SHROOM4: variants seen among roughly 807,000 people sequenced by gnomAD.
SHROOM4 encodes shroom family member 4.
A neutral mutation model predicts 80.3 loss-of-function variants in SHROOM4; 17 were observed. The ratio of observed to expected loss-of-function variants is 0.21; its 90% CI spans 0.14 to 0.32. SHROOM4 has a LOEUF of 0.32. Ranked by LOEUF, SHROOM4 falls within the 10% of genes least tolerant of loss-of-function variation. The probability of loss-of-function intolerance (pLI) is 1.00; values close to 1 mark genes in which losing one functional copy is unlikely to be tolerated. For synonymous variants in SHROOM4, 400 were observed against 437.5 expected, an observed-to-expected ratio of 0.91 and a Z score of 1.07; for missense variants, 993 against 1,140.3, an observed-to-expected ratio of 0.87 and a Z score of 1.86.
At chrX:50,674,493 T>C (rs1040087014) in intron 2 of SHROOM4, among the ~76,000 whole-genome samples, 14 of 111,524 alleles carry the variant, frequency 1.3e-4, no homozygotes. Context: ...CTTTTCAACA[T>C]ATGGTGCTGT....
Position 50,704,664 on chromosome X carries a change from C to T in SHROOM4, c.118-8727G>A, listed in dbSNP as rs182416923. Among the ~76,000 whole-genome samples the T allele has an allele frequency of 1.1e-3, 118 of 112,115 alleles. 1 individual carries two copies. Among genetic ancestry groups the T allele is most frequent in the East Asian group, 1.4e-3 (5 of 3,538 alleles). ...AAGGACCCAGGGACTAAACACCCTT[C>T]GGGGTAGGGACAAAAGGCTGCCTCT... On this transcript the variant is annotated intron_variant, in intron 1 of 8. Transcript: ENST00000376020.
intron 2 of SHROOM4, among the ~76,000 whole-genome samples, chrX:50,650,350 A>C (rs782605264): frequency 1.8e-5 from 2 of 111,937 alleles, no homozygotes; most frequent in African/African-American, 6.5e-5. Flanking sequence ...CCTTTTAAAT[A>C]AAAAGAGGTT....
intron 5 of SHROOM4, among the ~76,000 whole-genome samples, chrX:50,624,245 A>T (rs1274251735): frequency 1.8e-5 from 2 of 111,957 alleles, no homozygotes; most frequent in African/African-American, 6.5e-5. Flanking sequence ...CCACCATGCC[A>T]TCTATTTTCT....
intron 1 of SHROOM4, among the ~76,000 whole-genome samples, chrX:50,734,869 T>C (rs1157300776): frequency 1.8e-5 from 2 of 111,095 alleles, no homozygotes; most frequent in Non-Finnish European, 3.8e-5. Flanking sequence ...GGAGGTTTCC[T>C]GTTTTGCTTG....
At chrX:50,598,643 T>C in intron 7 of SHROOM4, 108 bp from the exon 8 acceptor site, 1 of 951,185 alleles carries the variant, frequency 1.1e-6, no homozygotes, top group South Asian at 2.2e-5. Context: ...TGGTGGGCTC[T>C]ATCCTAGTCA....
chrX:50,617,061 AACC>A (rs1178336274), intron 5 of SHROOM4, among the ~76,000 whole-genome samples: 2 of 111,975 alleles, frequency 1.8e-5, no homozygotes, highest in Non-Finnish European at 3.8e-5. Context: ...CTTCTTCCCT[AACC>A]AGGGCACAGG....
At chrX:50,613,844 G>A (rs1224731583) in intron 5 of SHROOM4, among the ~76,000 whole-genome samples, 1 of 111,583 alleles carries the variant, frequency 9.0e-6, no homozygotes, top group Non-Finnish European at 1.9e-5. Flanking sequence ...TATTATGAAC[G>A]GTATGGAAAA....
At chrX:50,577,560 T>C in the SHROOM4 span, among the ~76,000 whole-genome samples, 4 of 112,344 alleles carry the variant, frequency 3.6e-5, no homozygotes, top group Admixed American at 3.8e-4. Context: ...TCAATCTGCA[T>C]AGCTGGGTGG....
chrX:50,774,435 A>G (rs1353257530), intron 1 of SHROOM4, among the ~76,000 whole-genome samples: 1 of 111,623 alleles, frequency 9.0e-6, no homozygotes, highest in East Asian at 2.8e-4. Flanking sequence ...GACCACGAAC[A>G]GTTCCCTCTA....
At chrX:50,757,977 G>A (rs1557268545) in intron 1 of SHROOM4, among the ~76,000 whole-genome samples, 1 of 110,870 alleles carries the variant, frequency 9.0e-6, no homozygotes, top group African/African-American at 3.3e-5. Flanking sequence ...TTCTTTCACT[G>A]GTGTCTTATA....
At chrX:50,681,828 A>C (rs1557261826) in intron 2 of SHROOM4, among the ~76,000 whole-genome samples, 1 of 111,938 alleles carries the variant, frequency 8.9e-6, no homozygotes, top group African/African-American at 3.2e-5. Flanking sequence ...GCTCTAGTAA[A>C]TATTTGTTAG....
At position 50,813,893 on chromosome X, in the gene SHROOM4, A is replaced by G. The variant is rs1557273741; in HGVS notation, c.117+9T>C. ...AGGCGCCGTTAGGACATCAGCCGCC[A>G]GTTCTTACCTTAGACACTGTGAGCG... On this transcript the variant is annotated intron_variant, in intron 1 of 8. Transcript: ENST00000376020. The G allele has an allele frequency of 1.7e-6, 2 of 1,157,323 alleles. No homozygotes were observed. The highest frequency in any genetic ancestry group is 4.4e-5 in the Admixed American group (2 of 45,748).
In SHROOM4 at chrX:50,591,745, T is replaced by C. The variant is rs1928896380; in HGVS notation, c.*4950A>G. 3.3e-6 allele frequency: 1 copy of C among 298,702 alleles called. No individual in the cohort carries two copies. The highest frequency in any genetic ancestry group is 2.9e-5 in the African/African-American group (1 of 34,550). 24.6% of individuals were successfully genotyped at this position (298,702 alleles called of 1,213,427 possible). On this transcript the variant is annotated 3_prime_UTR_variant, in exon 9 of 9. Coordinates refer to ENST00000376020, the MANE Select transcript of SHROOM4 (RefSeq NM_020717.5). ...TTCTTTCTTTCTTTTTGAGACAAAG[T>C]CTCACTCTGTTGCCCAGGATGGAGT...
intron 2 of SHROOM4, among the ~76,000 whole-genome samples, 197 bp from the exon 3 acceptor site, chrX:50,638,505 T>A (rs1417342656): frequency 8.9e-6 from 1 of 112,471 alleles, no homozygotes; most frequent in Admixed American, 9.4e-5. Flanking sequence ...AATGTCAGCT[T>A]CATAGGGCTG....
intron 1 of SHROOM4, among the ~76,000 whole-genome samples, chrX:50,747,546 G>C (rs1452051504): frequency 8.9e-6 from 1 of 112,106 alleles, no homozygotes; most frequent in Non-Finnish European, 1.9e-5. Flanking sequence ...TCCATGGAAT[G>C]TAGAACTCTA....
chrX:50,813,636 A>C (rs1936395606), intron 1 of SHROOM4, among the ~76,000 whole-genome samples: 1 of 112,239 alleles, frequency 8.9e-6, no homozygotes, highest in African/African-American at 3.2e-5. Flanking sequence ...GTGGGGCAGC[A>C]AGGGCTGCCC....
intron 1 of SHROOM4, among the ~76,000 whole-genome samples, chrX:50,700,697 T>A (rs1933493117): frequency 8.9e-6 from 1 of 111,804 alleles, no homozygotes; most frequent in South Asian, 3.7e-4. Flanking sequence ...ACTTCTTCCC[T>A]TAAAAACCGC....
intron 1 of SHROOM4, among the ~76,000 whole-genome samples, chrX:50,717,042 A>AG (rs1933972975): frequency 1.8e-5 from 2 of 112,476 alleles, no homozygotes; most frequent in Admixed American, 1.9e-4. Flanking sequence ...TCTTAAAGAT[A>AG]GGGCTCCAGT....
chrX:50,637,222 G>C (rs188182099), intron 3 of SHROOM4, among the ~76,000 whole-genome samples: 133 of 111,891 alleles, frequency 1.2e-3, no homozygotes, highest in Non-Finnish European at 2.3e-3. Flanking sequence ...GTTGCAGGCT[G>C]CTCTCAGAAA....
Sources: gnomAD v4.1 joint callset for allele counts (sites outside exome capture counted in the v4.1 genomes callset) on GRCh38, gnomAD v4.1.1 for gene constraint, MANE v1.5 for transcripts, NCBI Gene and HGNC (gene_info 2026-07-23, HGNC 2026-07-21) for gene names.